SIM1: variants seen among roughly 807,000 people sequenced by gnomAD.
The protein encoded by SIM1 is SIM bHLH transcription factor 1, also known as single-minded homolog 1.
A neutral mutation model predicts 78.2 loss-of-function variants in SIM1; 18 were observed. That is an observed-to-expected ratio of 0.23 (90% CI 0.16 to 0.34). The LOEUF (loss-of-function observed/expected upper bound fraction) is 0.34. Among genes scored for constraint, SIM1 ranks in the 10% least tolerant of loss-of-function variants. SIM1 has a pLI of 1.00. For missense variants in SIM1, 939 were observed against 975.1 expected, an observed-to-expected ratio of 0.96 and a Z score of 0.49; for synonymous variants, 417 against 385.2, an observed-to-expected ratio of 1.08 and a Z score of -0.97.
chr6:100,461,138 C>T (rs1371512751), intron 2 of SIM1, among the ~76,000 whole-genome samples: 2 of 152,130 alleles, frequency 1.3e-5, no homozygotes, highest in Admixed American at 1.3e-4. Flanking sequence ...CCAGAGGGGA[C>T]CGTTCTGGCC....
At chr6:100,407,438 A>G (rs1771078432) in intron 10 of SIM1, among the ~76,000 whole-genome samples, 1 of 152,126 alleles carries the variant, frequency 6.6e-6, no homozygotes, top group Non-Finnish European at 1.5e-5. Flanking sequence ...ACATCTCAAC[A>G]TACTGATTTT....
intron 9 of SIM1, among the ~76,000 whole-genome samples, chr6:100,446,070 C>A (rs1048063261): frequency 6.6e-6 from 1 of 152,144 alleles, no homozygotes; most frequent in Non-Finnish European, 1.5e-5. Context: ...TTCCTAATTG[C>A]CAGCTACTAT....
intron 10 of SIM1, among the ~76,000 whole-genome samples, chr6:100,412,599 G>T (rs1481790252): frequency 1.2e-5 from 1 of 86,492 alleles, no homozygotes; most frequent in African/African-American, 4.2e-5. Flanking sequence ...AAGAAAGAAA[G>T]AAAGAAAGAA....
At chr6:100,441,315 A>G (rs772571792) in intron 9 of SIM1, among the ~76,000 whole-genome samples, 2 of 152,174 alleles carry the variant, frequency 1.3e-5, no homozygotes, top group Non-Finnish European at 2.9e-5. Flanking sequence ...GAAGTTCTCT[A>G]TCCCAGGCCT....
chr6:100,401,146 T>A (rs1248427369), intron 10 of SIM1, among the ~76,000 whole-genome samples: 3 of 152,120 alleles, frequency 2.0e-5, no homozygotes, highest in Non-Finnish European at 4.4e-5. Context: ...GGATAGTGGA[T>A]AATGTATAAC....
intron 9 of SIM1, among the ~76,000 whole-genome samples, chr6:100,436,894 C>T (rs1225417425): frequency 2.0e-5 from 3 of 151,904 alleles, no homozygotes; most frequent in Admixed American, 6.6e-5. Context: ...CGCACCACCA[C>T]ACCCGGTTAA....
At chr6:100,421,578 C>T (rs904516569) in intron 9 of SIM1, among the ~76,000 whole-genome samples, 3 of 152,194 alleles carry the variant, frequency 2.0e-5, no homozygotes, top group African/African-American at 4.8e-5. Flanking sequence ...AATAAGATAC[C>T]TATAAACCCT....
intron 10 of SIM1, among the ~76,000 whole-genome samples, chr6:100,412,735 GAAAGAAAGAAAGAAAGAAAAAAGA>G (rs1562240159): frequency 1.3e-4 from 19 of 140,756 alleles, no homozygotes; most frequent in Admixed American, 6.6e-4. Flanking sequence ...AAGAAAGAAA[GAAAGAAAGAAAGAAAGAAAAAAGA>G]AAAGAAAAAG....
At chr6:100,392,231 A>G (rs1024523210) in intron 11 of SIM1, among the ~76,000 whole-genome samples, 1 of 152,206 alleles carries the variant, frequency 6.6e-6, no homozygotes, top group African/African-American at 2.4e-5. Flanking sequence ...TTTGGAGCCA[A>G]GGAAAGAGAT....
chr6:100,463,581 A>G lies in SIM1; in HGVS notation c.-113T>C. Reference sequence around the variant, plus strand: ...TGGCAAAAACATAAAACATACTTTGAATAAAGAGGCTGAAGTATTTGCACC... The same window carrying G: ...TGGCAAAAACATAAAACATACTTTGGATAAAGAGGCTGAAGTATTTGCACC... On this transcript the variant is annotated 5_prime_UTR_variant, in exon 2 of 12. Transcript: ENST00000369208. 1 of 982,662 alleles carries G rather than the reference A, an allele frequency of 1.0e-6. No homozygotes were observed. Among genetic ancestry groups the G allele is most frequent in the Non-Finnish European group, 1.5e-6 (1 of 653,790 alleles). The allele number at this position is 982,662 out of a possible 1,614,324, so 60.9% of individuals were successfully genotyped here.
In SIM1 at chr6:100,393,542, G is replaced by C; in HGVS notation, c.1515C>G (p.Ser505Arg). Reference protein sequence around the residue: ...ALPLTKASPESREAYENSMPH... With the variant: ...ALPLTKASPERREAYENSMPH... ...GCATGCTGTTTTCATAGGCTTCTCT[G>C]CTTTCTGGGGAGGCCTTTGTCAGGG... The change falls in exon 11 of 12, where the codon AGC becomes AGG. Residue 505 changes from serine (S) to arginine (R), a missense_variant. By Grantham distance (110) the Ser-to-Arg change is moderately radical. This residue lies in a region of SIM1 where 556 missense variants were observed against 521.9 expected (regional missense o/e 1.07). Transcript: ENST00000369208. 5 of 1,600,292 alleles carry C rather than the reference G, an allele frequency of 3.1e-6. No individual in the cohort carries two copies. Among genetic ancestry groups the C allele is most frequent in the Non-Finnish European group, 2.6e-6 (3 of 1,170,656 alleles).
At chr6:100,401,455 T>A (rs2057207515) in intron 10 of SIM1, among the ~76,000 whole-genome samples, 1 of 152,114 alleles carries the variant, frequency 6.6e-6, no homozygotes, top group South Asian at 2.1e-4. Flanking sequence ...TATTCTGATA[T>A]TGATAATTGT....
At chr6:100,455,767 C>T (rs1360125009) in intron 2 of SIM1, among the ~76,000 whole-genome samples, 1 of 152,190 alleles carries the variant, frequency 6.6e-6, no homozygotes, top group Admixed American at 6.5e-5. Flanking sequence ...TCGCGCGGTT[C>T]CCGAAGGGTG....
At chr6:100,391,192 T>C in intron 11 of SIM1, 101 bp from the exon 12 acceptor site, 1 of 1,259,180 alleles carries the variant, frequency 7.9e-7, no homozygotes, top group Non-Finnish European at 1.1e-6. Flanking sequence ...TCTTTCATTT[T>C]TAATATATGC....
chr6:100,429,893 T>A (rs1259574144), intron 9 of SIM1, among the ~76,000 whole-genome samples: 1 of 152,200 alleles, frequency 6.6e-6, no homozygotes, highest in Non-Finnish European at 1.5e-5. Context: ...TCCTCAGGTA[T>A]ACCAGCTGTA....
intron 10 of SIM1, among the ~76,000 whole-genome samples, chr6:100,419,831 A>G (rs1771518788): frequency 6.6e-6 from 1 of 152,062 alleles, no homozygotes; most frequent in Non-Finnish European, 1.5e-5. Flanking sequence ...TAGCAGAGAC[A>G]GGGTTTCACC....
At chr6:100,431,801 A>G (rs554796078) in intron 9 of SIM1, among the ~76,000 whole-genome samples, 8 of 152,326 alleles carry the variant, frequency 5.3e-5, no homozygotes, top group Admixed American at 5.2e-4. Context: ...GTGGTCCAAT[A>G]GCTGATGCTT....
At chr6:100,398,047 A>T (rs1329523670) in intron 10 of SIM1, among the ~76,000 whole-genome samples, 1 of 152,118 alleles carries the variant, frequency 6.6e-6, no homozygotes, top group Non-Finnish European at 1.5e-5. Context: ...AAACTGGATC[A>T]CTCATACAAT....
At chr6:100,459,756 T>C (rs1242805878) in intron 2 of SIM1, among the ~76,000 whole-genome samples, 1 of 152,238 alleles carries the variant, frequency 6.6e-6, no homozygotes, top group African/African-American at 2.4e-5. Context: ...TTACCAAGAT[T>C]CTGAATAGCT....
Sources: allele counts gnomAD v4.1 joint callset (sites outside exome capture counted in the v4.1 genomes callset), GRCh38; gene constraint gnomAD v4.1.1; regional missense constraint gnomAD v4.1.1; transcripts MANE v1.5; gene names NCBI Gene and HGNC (gene_info 2026-07-23, HGNC 2026-07-21).